RIN2: variants seen among roughly 807,000 people sequenced by gnomAD.
The protein encoded by RIN2 is RAB5 interacting protein 2.
A neutral mutation model predicts 78.0 loss-of-function variants in RIN2; 36 were observed. The ratio of observed to expected loss-of-function variants is 0.46; its 90% CI spans 0.35 to 0.61. The LOEUF (loss-of-function observed/expected upper bound fraction) is 0.61, where lower values mean the gene tolerates loss of function less well. Ranked by LOEUF, RIN2 falls within the 20% of genes least tolerant of loss-of-function variation. RIN2 has a pLI of 0.00. For missense variants in RIN2, 1,087 were observed against 1,159.7 expected (o/e 0.94, Z 0.91); for synonymous variants, 466 against 466.8 (o/e 1.00, Z 0.02).
intron 3 of RIN2, among the ~76,000 whole-genome samples, chr20:19,920,200 G>T (rs1288013897): frequency 6.6e-6 from 1 of 151,788 alleles, no homozygotes; most frequent in Non-Finnish European, 1.5e-5. Context: ...GGAGGCTGAG[G>T]CAGGAGAATG....
At chr20:19,786,112 C>T (rs1367146652) in intron 1 of RIN2, among the ~76,000 whole-genome samples, 2 of 152,118 alleles carry the variant, frequency 1.3e-5, no homozygotes, top group Non-Finnish European at 2.9e-5. Context: ...ATGTCATCAC[C>T]CATCCCACAC....
At chr20:19,861,330 C>CTA (rs1486274557) in intron 2 of RIN2, among the ~76,000 whole-genome samples, 1 of 152,226 alleles carries the variant, frequency 6.6e-6, no homozygotes, top group Non-Finnish European at 1.5e-5. Context: ...TCAGCCTTTG[C>CTA]TATGATATGT....
intron 3 of RIN2, among the ~76,000 whole-genome samples, chr20:19,915,270 C>T (rs1237235319): frequency 1.3e-5 from 2 of 152,236 alleles, no homozygotes; most frequent in Middle Eastern, 3.4e-3. Flanking sequence ...CACTGGGGAC[C>T]TCTGAGAGAC....
At chr20:19,931,253 ACAGTT>A (rs1283191513) in intron 3 of RIN2, among the ~76,000 whole-genome samples, 3 of 152,216 alleles carry the variant, frequency 2.0e-5, no homozygotes, top group Non-Finnish European at 4.4e-5. Context: ...AACATACAGT[ACAGTT>A]TTGCATGCAT....
intron 2 of RIN2, among the ~76,000 whole-genome samples, chr20:19,815,100 A>C (rs2035721583): frequency 6.6e-6 from 1 of 152,214 alleles, no homozygotes; most frequent in Admixed American, 6.5e-5. Context: ...TATTTCCAGC[A>C]GGTTTCAAAG....
intron 1 of RIN2, among the ~76,000 whole-genome samples, chr20:19,759,024 C>T (rs913402093): frequency 6.6e-6 from 1 of 152,214 alleles, no homozygotes; most frequent in Admixed American, 6.5e-5. Context: ...CACTTTCCCA[C>T]TTTGAGGCCT....
At chr20:19,885,848 A>G (rs1033733299) in intron 2 of RIN2, among the ~76,000 whole-genome samples, 1 of 152,246 alleles carries the variant, frequency 6.6e-6, no homozygotes, top group Non-Finnish European at 1.5e-5. Context: ...TCAAGATGTC[A>G]TGTTGTATAC....
At chr20:19,904,765 C>T (rs2039146220) in intron 3 of RIN2, among the ~76,000 whole-genome samples, 1 of 152,096 alleles carries the variant, frequency 6.6e-6, no homozygotes, top group Non-Finnish European at 1.5e-5. Context: ...ACCTATGTGC[C>T]ACCCTCATAA....
chr20:19,937,422 C>G (rs972896561), intron 4 of RIN2, among the ~76,000 whole-genome samples: 3 of 152,192 alleles, frequency 2.0e-5, no homozygotes, highest in Admixed American at 1.3e-4. Flanking sequence ...TCTGCAGCTT[C>G]GTACTCTGTG....
chr20:19,883,363 C>T (rs1460492095), intron 2 of RIN2, among the ~76,000 whole-genome samples: 2 of 136,594 alleles, frequency 1.5e-5, no homozygotes, highest in South Asian at 2.3e-4. Context: ...TTTTTTAGAC[C>T]TGGTCTCTCT....
At position 19,974,847 on chromosome 20, in the gene RIN2, C is replaced by T. The variant is rs746655619; in HGVS notation, c.822C>T (p.Pro274=). 1 of 1,614,010 alleles carries T rather than the reference C, an allele frequency of 6.2e-7. No homozygotes were observed. The highest frequency in any genetic ancestry group is 8.5e-7 in the Non-Finnish European group (1 of 1,179,908). The change falls in exon 9 of 13, where the codon CCC becomes CCT. Residue 274 remains proline, a synonymous_variant. Transcript: ENST00000255006. ...ACGGGGCCCTGTGCTTTATTAATCC[C>T]CTTTTCTTGAAAGTGCACAGCCAGG... The part of the protein sequence containing the change: ...QTNGALCFIN[P]LFLKVHSQDL...
chr20:19,870,493 A>G (rs925548187), intron 2 of RIN2, among the ~76,000 whole-genome samples: 2 of 152,158 alleles, frequency 1.3e-5, no homozygotes, highest in Non-Finnish European at 2.9e-5. Flanking sequence ...CTAAAAATAC[A>G]AAAATTAGCC....
intron 2 of RIN2, among the ~76,000 whole-genome samples, chr20:19,853,406 G>GTCA (rs1321478179): frequency 6.6e-6 from 1 of 152,108 alleles, no homozygotes; most frequent in Non-Finnish European, 1.5e-5. Flanking sequence ...CCAGTAATGG[G>GTCA]ATGGCTGGGT....
chr20:19,924,501 C>T (rs1451202568), intron 3 of RIN2, among the ~76,000 whole-genome samples: 339 of 52,490 alleles, frequency 6.5e-3, no homozygotes, highest in Non-Finnish European at 9.0e-3. Context: ...ACCTTCATAC[C>T]CCCACCTTCA....
At chr20:19,866,784 C>T (rs2037522025) in intron 2 of RIN2, among the ~76,000 whole-genome samples, 1 of 152,018 alleles carries the variant, frequency 6.6e-6, no homozygotes, top group African/African-American at 2.4e-5. Context: ...ACCACCACAC[C>T]AGCATAATTA....
chr20:20,000,742 G>A lies in RIN2; in HGVS notation c.2494G>A (p.Glu832Lys). 1 of 1,613,980 alleles carries A rather than the reference G, an allele frequency of 6.2e-7. No individual in the cohort carries two copies. Among genetic ancestry groups the A allele is most frequent in the Non-Finnish European group, 8.5e-7 (1 of 1,179,904 alleles). ...CAEKFKVGDP[E>K]EYSLFLFVDE... Reference sequence around the variant, plus strand: ...TGAGAAGTTCAAGGTGGGGGACCCTGAGGAGTACAGCCTCTTTCTCTTCGT... The same window carrying A: ...TGAGAAGTTCAAGGTGGGGGACCCTAAGGAGTACAGCCTCTTTCTCTTCGT... The change falls in exon 13 of 13, where the codon GAG becomes AAG. Residue 832 changes from glutamate (E) to lysine (K), a missense_variant. By Grantham distance (56) the Glu-to-Lys change is moderately conservative. Coordinates refer to ENST00000255006, the MANE Select transcript of RIN2 (RefSeq NM_018993.4).
At position 19,758,269 on chromosome 20, in the gene RIN2, C is replaced by A. The variant is rs902044535; in HGVS notation, c.-221C>A. ...GGGCGGGGAAACCCAGCCCCGCGCT[C>A]GTCTTTGGGGCCACCGGTCGCCCCC... On this transcript the variant is annotated 5_prime_UTR_variant, in exon 1 of 13. Transcript: ENST00000255006. 2 of 152,426 alleles carry A rather than the reference C, an allele frequency of 1.3e-5. No individual in the cohort carries two copies. The highest frequency in any genetic ancestry group is 2.1e-4 in the South Asian group (1 of 4,830). 9.4% of individuals were successfully genotyped at this position (152,426 alleles called of 1,614,324 possible).
chr20:19,940,440 G>A (rs1306001047), intron 4 of RIN2, among the ~76,000 whole-genome samples: 1 of 152,162 alleles, frequency 6.6e-6, no homozygotes, highest in African/African-American at 2.4e-5. Flanking sequence ...AAGAAATAGG[G>A]CAGAGGCCCT....
chr20:19,975,446 C>A lies in RIN2; in HGVS notation c.1421C>A (p.Ala474Glu), dbSNP rs763221257. Reference protein sequence around the residue: ...YEGESDQETMAPPIKSKKKRS... With the variant: ...YEGESDQETMEPPIKSKKKRS... ...GGGGAAAGTGACCAAGAGACCATGG[C>A]GCCCCCCATCAAGTCCAAAAAGAAA... The change falls in exon 9 of 13, where the codon GCG becomes GAG. Residue 474 changes from alanine to glutamate, a missense_variant. Coordinates refer to ENST00000255006, the MANE Select transcript of RIN2 (RefSeq NM_018993.4). The surrounding 1 kb of genome is among the most constrained non-coding windows in gnomAD (Gnocchi z 4.9). 12 of 1,613,926 alleles carry A rather than the reference C, an allele frequency of 7.4e-6. No homozygotes were observed. The highest frequency in any genetic ancestry group is 4.0e-5 in the African/African-American group (3 of 74,938).
Sources: allele counts gnomAD v4.1 joint callset (sites outside exome capture counted in the v4.1 genomes callset), GRCh38; gene constraint gnomAD v4.1.1; non-coding constraint Gnocchi (gnomAD v3.1); transcripts MANE v1.5; gene names NCBI Gene and HGNC (gene_info 2026-07-23, HGNC 2026-07-21).